Variants in NFIB observed in about 807,000 individuals in gnomAD.
The protein encoded by NFIB is nuclear factor I B.
Under a neutral mutation model 61.5 loss-of-function variants are expected in NFIB, and 11 were observed. That is an observed-to-expected ratio of 0.18 (90% CI 0.11 to 0.30). NFIB has a LOEUF of 0.30. NFIB is among the 10% of genes least tolerant of loss of function. The pLI is 1.00. For missense variants in NFIB, 471 were observed against 608.9 expected, an observed-to-expected ratio of 0.77 and a Z score of 2.38; for synonymous variants, 260 against 216.5, an observed-to-expected ratio of 1.20 and a Z score of -1.76.
chr9:14,248,906 A>G (rs1471166336), intron 2 of NFIB, among the ~76,000 whole-genome samples: 4 of 152,216 alleles, frequency 2.6e-5, no homozygotes, highest in Non-Finnish European at 5.9e-5. Context: ...AGAGAATGGC[A>G]TAGGAAGAGA....
intron 2 of NFIB, chr9:14,300,377 T>C: frequency 2.5e-6 from 1 of 396,456 alleles, no homozygotes; most frequent in Non-Finnish European, 4.4e-6. Context: ...AACATTATGT[T>C]GGCTAATCAT....
At chr9:14,273,262 T>C (rs571105700) in intron 2 of NFIB, among the ~76,000 whole-genome samples, 1 of 152,292 alleles carries the variant, frequency 6.6e-6, no homozygotes, top group South Asian at 2.1e-4. Context: ...GTATTATCTG[T>C]GTAACTCTAC....
the NFIB span, among the ~76,000 whole-genome samples, chr9:14,525,162 T>C: frequency 1.6e-4 from 24 of 152,172 alleles, no homozygotes; most frequent in Admixed American, 5.9e-4. Flanking sequence ...GCGAGTGTCC[T>C]GGCCCATTTA....
chr9:14,086,608 T>G lies in NFIB; in HGVS notation c.*1701A>C, dbSNP rs1273646752. ...TTTAAGCGGCAACTATACACAGCCA[T>G]GATATGCTTTATAAATGTGAGATAA... On this transcript the variant is annotated 3_prime_UTR_variant, in exon 11 of 11. Coordinates refer to ENST00000380953, the MANE Select transcript of NFIB (RefSeq NM_001190737.2). 1 of 215,106 alleles carries G rather than the reference T, an allele frequency of 4.6e-6. No individual in the cohort carries two copies. The highest frequency in any genetic ancestry group is 9.4e-6 in the Non-Finnish European group (1 of 106,390). 13.3% of individuals were successfully genotyped at this position (215,106 alleles called of 1,614,324 possible).
At position 14,120,126 on chromosome 9, in the gene NFIB, G is replaced by T. The variant is rs1473061294; in HGVS notation, c.1245+314C>A. Among the ~76,000 whole-genome samples, 1 of 152,090 alleles carries T rather than the reference G, an allele frequency of 6.6e-6. No individual in the cohort carries two copies. The highest frequency in any genetic ancestry group is 1.5e-5 in the Non-Finnish European group (1 of 68,016). ...GCACATTGTCTCTGTGTCAAACCAG[G>T]TATTTAAGAGGTGTGAACTCCAGCC... On this transcript the variant is annotated intron_variant, in intron 8 of 10. Transcript: ENST00000380953. The surrounding 1 kb of genome is among the most constrained non-coding windows in gnomAD (Gnocchi z 4.4).
the NFIB span, among the ~76,000 whole-genome samples, chr9:14,518,707 A>C: frequency 1.3e-5 from 2 of 152,174 alleles, no homozygotes; most frequent in Admixed American, 1.3e-4. Flanking sequence ...GAGGAAGGGA[A>C]GCTGAAGAAC....
chr9:14,487,906 TG>T, the NFIB span, among the ~76,000 whole-genome samples: 1 of 152,108 alleles, frequency 6.6e-6, no homozygotes, highest in African/African-American at 2.4e-5. Context: ...GCAGGGTTAG[TG>T]GAGACTCAGG....
At chr9:14,266,502 G>A (rs1417680339) in intron 2 of NFIB, among the ~76,000 whole-genome samples, 1 of 152,092 alleles carries the variant, frequency 6.6e-6, no homozygotes, top group South Asian at 2.1e-4. Flanking sequence ...GGCTGAGGCA[G>A]GAGGATTTCA....
At chr9:14,372,993 G>C (rs2061376351) in intron 1 of NFIB, among the ~76,000 whole-genome samples, 1 of 151,820 alleles carries the variant, frequency 6.6e-6, no homozygotes, top group African/African-American at 2.4e-5. Flanking sequence ...GTGGTGGGGG[G>C]TGGGGACTGA....
At chr9:14,470,458 A>G in the NFIB span, among the ~76,000 whole-genome samples, 1 of 152,122 alleles carries the variant, frequency 6.6e-6, no homozygotes, top group Admixed American at 6.5e-5. Flanking sequence ...GCCCCCCTGA[A>G]AAAGAGAATT....
chr9:14,515,276 G>A, the NFIB span, among the ~76,000 whole-genome samples: 1 of 152,264 alleles, frequency 6.6e-6, no homozygotes, highest in East Asian at 1.9e-4. Context: ...GTTGCAAAGT[G>A]GAGAAGGAAG....
chr9:14,343,050 G>A (rs959749088), intron 1 of NFIB, among the ~76,000 whole-genome samples: 2 of 151,066 alleles, frequency 1.3e-5, no homozygotes, highest in African/African-American at 4.9e-5. Context: ...GAGCATGGCC[G>A]GGGGGGTAGG....
the NFIB span, among the ~76,000 whole-genome samples, chr9:14,525,397 A>C: frequency 6.6e-6 from 1 of 152,168 alleles, no homozygotes; most frequent in South Asian, 2.1e-4. Flanking sequence ...TCCCCTTATC[A>C]GTGGAGTGCA....
chr9:14,457,774 G>T, the NFIB span, among the ~76,000 whole-genome samples: 1 of 152,090 alleles, frequency 6.6e-6, no homozygotes, highest in African/African-American at 2.4e-5. Flanking sequence ...TAGAAGAAAT[G>T]GATAAATTGC....
rs558381676 is a variant in NFIB at position 14,085,033 on chromosome 9, T to A, written c.*3276A>T. The A allele has an allele frequency of 4.4e-6, 1 of 227,736 alleles. No individual in the cohort carries two copies. The highest frequency in any genetic ancestry group is 1.8e-4 in the South Asian group (1 of 5,478). The allele number at this position is 227,736 out of a possible 1,614,324, so 14.1% of individuals were successfully genotyped here. A position where few individuals can be genotyped will look rare whatever the true frequency, so the allele number is the denominator to read the frequency against. ...CTGTGAGGTTCATTTGTTCACCTAA[T>A]AGGTCAAAGATACATGAAGAGCTTG... On this transcript the variant is annotated 3_prime_UTR_variant, in exon 11 of 11. Transcript: ENST00000380953.
At chr9:14,202,332 T>C (rs560258477) in intron 2 of NFIB, among the ~76,000 whole-genome samples, 1 of 152,346 alleles carries the variant, frequency 6.6e-6, no homozygotes, top group South Asian at 2.1e-4. Flanking sequence ...ATAATGAGAC[T>C]ATAAAATAAT....
upstream of NFIB, chr9:14,317,068 C>G (rs1192143046): frequency 6.6e-6 from 1 of 152,170 alleles, no homozygotes; most frequent in Non-Finnish European, 1.5e-5. Flanking sequence ...AGAGAGCACT[C>G]CTTTCAGCCT....
chr9:14,098,727 G>A (rs1365660790), intron 10 of NFIB, among the ~76,000 whole-genome samples: 1 of 152,120 alleles, frequency 6.6e-6, no homozygotes. Context: ...TTTACTCTGG[G>A]TTAACTGCAG....
intron 1 of NFIB, among the ~76,000 whole-genome samples, chr9:14,349,811 C>T (rs1317278472): frequency 3.3e-5 from 5 of 152,146 alleles, no homozygotes; most frequent in Non-Finnish European, 5.9e-5. Flanking sequence ...AGAGTTGAGA[C>T]TTCGAGCTAA....
Sources: gnomAD v4.1 joint callset for allele counts (sites outside exome capture counted in the v4.1 genomes callset) on GRCh38, gnomAD v4.1.1 for gene constraint, Gnocchi (gnomAD v3.1) non-coding constraint, MANE v1.5 for transcripts, NCBI Gene and HGNC (gene_info 2026-07-23, HGNC 2026-07-21) for gene names.